EPC2: variants seen among roughly 807,000 people sequenced by gnomAD.
The protein encoded by EPC2 is enhancer of polycomb 2, also known as enhancer of polycomb homolog 2.
A neutral mutation model predicts 92.1 loss-of-function variants in EPC2; 14 were observed. That is an observed-to-expected ratio of 0.15 (90% CI 0.10 to 0.24). The LOEUF is 0.24. Among genes scored for constraint, EPC2 ranks in the 10% least tolerant of loss-of-function variants. EPC2 has a pLI of 1.00. For synonymous variants in EPC2, 340 were observed against 334.7 expected (o/e 1.02, Z -0.17); for missense variants, 755 against 971.5 (o/e 0.78, Z 2.96).
chr2:148,765,606 G>A (rs1683391878), intron 7 of EPC2, among the ~76,000 whole-genome samples: 1 of 152,072 alleles, frequency 6.6e-6, no homozygotes, highest in Admixed American at 6.6e-5. Flanking sequence ...ATGGCTATTT[G>A]ATTCTAAAAA....
intron 1 of EPC2, among the ~76,000 whole-genome samples, chr2:148,687,793 C>T (rs945915977): frequency 4.9e-4 from 74 of 152,176 alleles, no homozygotes; most frequent in African/African-American, 1.6e-3. Context: ...TTTTCTTTCC[C>T]GTTTGTTTTT....
chr2:148,673,496 TATC>T (rs1379568134), intron 1 of EPC2, among the ~76,000 whole-genome samples: 3 of 152,350 alleles, frequency 2.0e-5, no homozygotes, highest in Admixed American at 2.0e-4. Flanking sequence ...CCAATTAAGT[TATC>T]ATATTCTTCA....
chr2:148,721,758 A>T (rs974529522), intron 2 of EPC2, among the ~76,000 whole-genome samples: 11 of 87,636 alleles, frequency 1.3e-4, no homozygotes, highest in Admixed American at 6.6e-4. Context: ...GGAAGTTCCT[A>T]TTGTCATATC....
intron 2 of EPC2, among the ~76,000 whole-genome samples, chr2:148,717,098 C>T (rs1056687640): frequency 4.0e-5 from 6 of 150,786 alleles, no homozygotes; most frequent in African/African-American, 1.5e-4. Flanking sequence ...CTTATCATTT[C>T]TGATTATATT....
At chr2:148,777,315 A>G (rs1249442957) in intron 10 of EPC2, among the ~76,000 whole-genome samples, 1 of 152,178 alleles carries the variant, frequency 6.6e-6, no homozygotes, top group Non-Finnish European at 1.5e-5. Flanking sequence ...AGCTATGAAA[A>G]TTTGGTCTAG....
At chr2:148,714,256 T>C (rs1682214235) in intron 2 of EPC2, among the ~76,000 whole-genome samples, 1 of 152,068 alleles carries the variant, frequency 6.6e-6, no homozygotes. Flanking sequence ...TCCTTTTTTT[T>C]TGGCCACATA....
intron 2 of EPC2, among the ~76,000 whole-genome samples, chr2:148,691,221 C>T (rs546427037): frequency 1.4e-4 from 21 of 152,312 alleles, no homozygotes; most frequent in African/African-American, 4.6e-4. Context: ...AATCTAGCTT[C>T]TCTCCAAAAG....
At chr2:148,779,124 A>T (rs974529641) in intron 10 of EPC2, among the ~76,000 whole-genome samples, 1 of 149,234 alleles carries the variant, frequency 6.7e-6, no homozygotes, top group East Asian at 2.2e-4. Context: ...AAGACAGGAC[A>T]GTAAATGGAG....
intron 2 of EPC2, among the ~76,000 whole-genome samples, chr2:148,726,022 C>T (rs1226624610): frequency 6.6e-6 from 1 of 152,136 alleles, no homozygotes. Flanking sequence ...AAGAATTTGA[C>T]TACTTTGGAT....
intron 12 of EPC2, among the ~76,000 whole-genome samples, chr2:148,784,454 T>C (rs1683820378): frequency 1.3e-5 from 2 of 152,208 alleles, no homozygotes; most frequent in South Asian, 2.1e-4. Context: ...AAAGCCGTTT[T>C]ATGTAGACCA....
intron 4 of EPC2, among the ~76,000 whole-genome samples, chr2:148,756,995 A>G (rs1683202282): frequency 6.6e-6 from 1 of 152,240 alleles, no homozygotes; most frequent in Admixed American, 6.5e-5. Context: ...GAGAAGGAGT[A>G]AAGGGGGCAA....
At chr2:148,749,951 TCAGGGGGTCATTCCTATGACTG>T (rs994392696) in intron 3 of EPC2, among the ~76,000 whole-genome samples, 9 of 152,134 alleles carry the variant, frequency 5.9e-5, no homozygotes, top group Admixed American at 1.3e-4. Flanking sequence ...TATTAAAAGA[TCAGGGGGTCATTCCTATGACTG>T]CAGAGAAGGT....
intron 4 of EPC2, among the ~76,000 whole-genome samples, chr2:148,758,154 A>G (rs2382249): frequency 0.18 from 19,176 of 103,690 alleles, 2,155 homozygotes; most frequent in East Asian, 0.52. Context: ...ATGAGTCCAT[A>G]CTGATGTGGG....
chr2:148,764,011 A>G (rs1047226923), intron 6 of EPC2, among the ~76,000 whole-genome samples: 1 of 152,194 alleles, frequency 6.6e-6, no homozygotes, highest in African/African-American at 2.4e-5. Context: ...CACATGGTTA[A>G]TTATATTTAC....
chr2:148,704,892 TTTTC>T (rs1048477079), intron 2 of EPC2, among the ~76,000 whole-genome samples: 3 of 151,476 alleles, frequency 2.0e-5, no homozygotes, highest in Non-Finnish European at 3.0e-5. Flanking sequence ...TGTGTATCTT[TTTTC>T]TTTTTCTTTT....
intron 1 of EPC2, among the ~76,000 whole-genome samples, chr2:148,661,218 CAA>C (rs1421956062): frequency 6.6e-6 from 1 of 152,070 alleles, no homozygotes; most frequent in Non-Finnish European, 1.5e-5. Context: ...CTTCATTTGT[CAA>C]AGTCTACTTG....
chr2:148,731,901 T>TA (rs748072508), intron 2 of EPC2, among the ~76,000 whole-genome samples: 4 of 152,224 alleles, frequency 2.6e-5, no homozygotes, highest in Non-Finnish European at 5.9e-5. Context: ...TTACTGCTGT[T>TA]ATGATTAGAA....
At chr2:148,651,412 A>G (rs922834721) in intron 1 of EPC2, among the ~76,000 whole-genome samples, 3 of 152,184 alleles carry the variant, frequency 2.0e-5, no homozygotes, top group African/African-American at 7.2e-5. Flanking sequence ...TCCCTGTTAC[A>G]TCTTCAGCAC....
chr2:148,669,407 T>G (rs1490611954), intron 1 of EPC2, among the ~76,000 whole-genome samples: 1 of 152,200 alleles, frequency 6.6e-6, no homozygotes, highest in African/African-American at 2.4e-5. Flanking sequence ...CTGGGCACAG[T>G]GGTTCACACT....
Sources: allele counts gnomAD v4.1 joint callset (sites outside exome capture counted in the v4.1 genomes callset), GRCh38; gene constraint gnomAD v4.1.1; transcripts MANE v1.5; gene names NCBI Gene and HGNC (gene_info 2026-07-23, HGNC 2026-07-21).